LPP: variants seen among roughly 807,000 people sequenced by gnomAD.
LPP encodes the protein LIM domain containing preferred translocation partner in lipoma.
In LPP, 38 loss-of-function variants were observed where a neutral mutation model predicts 60.4. The observed-to-expected ratio is 0.63, with a 90% confidence interval of 0.49 to 0.83. LPP has a LOEUF of 0.83. Ranked by LOEUF, LPP falls within the 40% of genes least tolerant of loss-of-function variation. The pLI is 0.00. For synonymous variants in LPP, 328 were observed against 290.8 expected, an observed-to-expected ratio of 1.13 and a Z score of -1.30; for missense variants, 902 against 783.6, an observed-to-expected ratio of 1.15 and a Z score of -1.80.
intron 6 of LPP, among the ~76,000 whole-genome samples, chr3:188,547,447 AC>A (rs1395765573): frequency 6.6e-6 from 1 of 152,236 alleles, no homozygotes; most frequent in Admixed American, 6.5e-5. Context: ...ACCGTAAGTT[AC>A]TTAGGCTCTC....
chr3:188,679,286 G>A (rs1858863522), intron 7 of LPP, among the ~76,000 whole-genome samples: 1 of 152,138 alleles, frequency 6.6e-6, no homozygotes, highest in South Asian at 2.1e-4. Flanking sequence ...AATAGCACAG[G>A]TGTGGTTGAA....
Position 188,885,431 on chromosome 3 carries a change from T to C in LPP, c.*10952T>C, listed in dbSNP as rs147622805. The C allele has an allele frequency of 4.7e-3, 894 of 190,194 alleles. 10 individuals carry two copies. Among genetic ancestry groups the C allele is most frequent in the African/African-American group, 0.02 (851 of 43,026 alleles). The allele number at this position is 190,194 out of a possible 1,614,324, so 11.8% of individuals were successfully genotyped here. A position where few individuals can be genotyped will look rare whatever the true frequency, so the allele number is the denominator to read the frequency against. ...GCCTGAGGAATAAGGGCGACATTAA[T>C]GGGAGCGGGAGAGTGGTGGCTTTGG... On this transcript the variant is annotated 3_prime_UTR_variant, in exon 12 of 12. Transcript: ENST00000617246.
At chr3:188,458,664 C>T (rs1235584524) in intron 4 of LPP, among the ~76,000 whole-genome samples, 1 of 152,166 alleles carries the variant, frequency 6.6e-6, no homozygotes, top group Non-Finnish European at 1.5e-5. Context: ...GATATTACGT[C>T]AGTTAGTCAC....
At chr3:188,314,329 G>C (rs1754403422) in intron 2 of LPP, among the ~76,000 whole-genome samples, 1 of 151,496 alleles carries the variant, frequency 6.6e-6, no homozygotes, top group South Asian at 2.1e-4. Flanking sequence ...GTTGTTAAAA[G>C]GTTATCTAGC....
intron 4 of LPP, among the ~76,000 whole-genome samples, chr3:188,447,438 C>T (rs1364753624): frequency 1.3e-5 from 2 of 151,760 alleles, no homozygotes; most frequent in Non-Finnish European, 2.9e-5. Context: ...GGTGAAACCC[C>T]GTCTCTACTA....
intron 9 of LPP, among the ~76,000 whole-genome samples, chr3:188,805,806 T>G (rs547865371): frequency 6.6e-6 from 1 of 152,044 alleles, no homozygotes; most frequent in East Asian, 1.9e-4. Flanking sequence ...CAAGATATTT[T>G]CTAATGTATC....
chr3:188,566,246 G>A (rs1324286708), intron 6 of LPP, among the ~76,000 whole-genome samples: 1 of 151,946 alleles, frequency 6.6e-6, no homozygotes, highest in Non-Finnish European at 1.5e-5. Context: ...AACCATGTTA[G>A]AATTTCACAG....
At chr3:188,267,441 C>T (rs184755437) in intron 2 of LPP, among the ~76,000 whole-genome samples, 1 of 152,278 alleles carries the variant, frequency 6.6e-6, no homozygotes, top group Admixed American at 6.5e-5. Context: ...CTTTATAAAT[C>T]CCTCACAAAA....
rs918103404 is a variant in LPP at position 188,210,612 on chromosome 3, C to T, written c.-189-14793C>T. 2.6e-5 allele frequency among the ~76,000 whole-genome samples: 4 copies of T among 152,104 alleles called. No homozygotes were observed. In the East Asian group the frequency reaches 7.7e-4, roughly 29 times the overall value. ...ACATATATTGAAGGAACTGAAGGGT[C>T]TCTCTCTATGTGGATGTGGAAACTG... On this transcript the variant is annotated intron_variant, in intron 1 of 11. Coordinates refer to ENST00000617246, the MANE Select transcript of LPP (RefSeq NM_001375462.1).
At chr3:188,205,785 C>T (rs1461628680) in intron 1 of LPP, among the ~76,000 whole-genome samples, 2 of 152,136 alleles carry the variant, frequency 1.3e-5, no homozygotes, top group Admixed American at 6.5e-5. Context: ...TCAAGCTGTT[C>T]TCTTCTGAGC....
chr3:188,592,557 G>GTTTTTTTGTTTTTTTTTTTTTTTTTTTT (rs1553936333), intron 6 of LPP, among the ~76,000 whole-genome samples: 4 of 85,756 alleles, frequency 4.7e-5, no homozygotes, highest in African/African-American at 1.8e-4. Flanking sequence ...TTTTGTTTTT[G>GTTTTTTTGTTTTTTTTTTTTTTTTTTTT]TTTTTTAAAT....
At chr3:188,798,449 C>G (rs961395476) in intron 9 of LPP, among the ~76,000 whole-genome samples, 1 of 152,096 alleles carries the variant, frequency 6.6e-6, no homozygotes, top group Admixed American at 6.5e-5. Flanking sequence ...GAGATGTCTC[C>G]CTGATCTTCA....
intron 7 of LPP, among the ~76,000 whole-genome samples, chr3:188,646,982 G>GTGTTGCTGTTAAT (rs1483726920): frequency 6.6e-6 from 1 of 152,262 alleles, no homozygotes; most frequent in Non-Finnish European, 1.5e-5. Context: ...GCCAAGCAGA[G>GTGTTGCTGTTAAT]TGTTGCTGTT....
rs145984142 is a variant in LPP, at chr3:188,496,298, G to A, written c.306+11594G>A. Among the ~76,000 whole-genome samples, 98 of 152,054 alleles carry A rather than the reference G, an allele frequency of 6.4e-4. No individual in the cohort carries two copies. The East Asian group carries it at 8.1e-3, about 13-fold the overall frequency. ...GTGCCATCACACCTGGCTAATTTTT[G>A]TATTTTTTTTAGTAGAGACAAGGTT... On this transcript the variant is annotated intron_variant, in intron 5 of 11. Coordinates refer to ENST00000617246, the MANE Select transcript of LPP (RefSeq NM_001375462.1).
chr3:188,726,407 C>T (rs1473521684), intron 8 of LPP, among the ~76,000 whole-genome samples: 2 of 152,130 alleles, frequency 1.3e-5, no homozygotes, highest in Non-Finnish European at 2.9e-5. Context: ...CACAGAGATC[C>T]TCTCTTTATC....
intron 4 of LPP, among the ~76,000 whole-genome samples, chr3:188,425,867 C>G (rs1224924768): frequency 6.6e-6 from 1 of 151,946 alleles, no homozygotes; most frequent in African/African-American, 2.4e-5. Flanking sequence ...GGCTAGTGGT[C>G]TATCTATTTT....
rs369987528 is a variant in LPP, at chr3:188,669,536, A to G, written c.1114-38731A>G. On this transcript the variant is annotated intron_variant, in intron 7 of 11. Transcript: ENST00000617246. ...GCTTGCAGTGAGCCGAGATCGCACC[A>G]CTGCACTCCAGCCTGGGTGACAGAG... is the stretch of plus-strand genomic sequence containing the variant. Among the ~76,000 whole-genome samples, 46 of 152,268 alleles carry G rather than the reference A, an allele frequency of 3.0e-4. No individual in the cohort carries two copies. In the East Asian group the frequency reaches 6.7e-3, roughly 22 times the overall value.
At chr3:188,472,606 T>C (rs1192969426) in intron 4 of LPP, 1 of 152,164 alleles carries the variant, frequency 6.6e-6, no homozygotes, top group East Asian at 1.9e-4. Context: ...AAAAGATGAA[T>C]ACTGGATAAA....
At chr3:188,255,048 A>C (rs956794091) in intron 2 of LPP, among the ~76,000 whole-genome samples, 39 of 152,324 alleles carry the variant, frequency 2.6e-4, no homozygotes, top group African/African-American at 7.7e-4. Flanking sequence ...GCTTCTTGAC[A>C]TGCCTTGATG....
Sources: allele counts gnomAD v4.1 joint callset (sites outside exome capture counted in the v4.1 genomes callset), GRCh38; gene constraint gnomAD v4.1.1; transcripts MANE v1.5; gene names NCBI Gene and HGNC (gene_info 2026-07-23, HGNC 2026-07-21).